TBC1D22A: variants seen among roughly 807,000 people sequenced by gnomAD.
The protein encoded by TBC1D22A is putative GTPase activator.
A neutral mutation model predicts 60.2 loss-of-function variants in TBC1D22A; 38 were observed. The ratio of observed to expected loss-of-function variants is 0.63; its 90% CI spans 0.49 to 0.83. TBC1D22A has a LOEUF of 0.83. Ranked by LOEUF, TBC1D22A falls within the 40% of genes least tolerant of loss-of-function variation. The pLI is 0.00. For missense variants in TBC1D22A, 628 were observed against 701.0 expected, an observed-to-expected ratio of 0.90 and a Z score of 1.18; for synonymous variants, 302 against 281.7, an observed-to-expected ratio of 1.07 and a Z score of -0.72.
intron 11 of TBC1D22A, among the ~76,000 whole-genome samples, chr22:47,043,866 G>A (rs974582105): frequency 1.2e-4 from 13 of 106,066 alleles, no homozygotes; most frequent in African/African-American, 4.6e-4. Flanking sequence ...GGGCAGGTCC[G>A]AGGCTGCCAG....
intron 4 of TBC1D22A, among the ~76,000 whole-genome samples, chr22:46,856,197 G>T (rs1315346508): frequency 6.6e-6 from 1 of 152,220 alleles, no homozygotes; most frequent in Non-Finnish European, 1.5e-5. Flanking sequence ...AAGTGTGGAT[G>T]TGGTGAAAAG....
chr22:46,958,780 A>T (rs1257620228), intron 8 of TBC1D22A, among the ~76,000 whole-genome samples: 1 of 152,112 alleles, frequency 6.6e-6, no homozygotes, highest in Non-Finnish European at 1.5e-5. Flanking sequence ...GACTTACTGG[A>T]TTGGAGGGAA....
At chr22:46,938,786 A>G (rs1602563635) in intron 8 of TBC1D22A, among the ~76,000 whole-genome samples, 1 of 151,956 alleles carries the variant, frequency 6.6e-6, no homozygotes, top group African/African-American at 2.4e-5. Context: ...GGGTTTCACC[A>G]TGTTGGCCAG....
chr22:46,855,620 T>C (rs1218255711), intron 4 of TBC1D22A, among the ~76,000 whole-genome samples: 1 of 152,118 alleles, frequency 6.6e-6, no homozygotes, highest in Non-Finnish European at 1.5e-5. Flanking sequence ...AGCAGTGGGC[T>C]GCTGGGTAGA....
chr22:47,032,613 T>G (rs1293193587), intron 10 of TBC1D22A, among the ~76,000 whole-genome samples: 2 of 152,226 alleles, frequency 1.3e-5, no homozygotes, highest in Non-Finnish European at 1.5e-5. Context: ...TCCTGGTGAT[T>G]AGCCTGTGAC....
intron 10 of TBC1D22A, among the ~76,000 whole-genome samples, chr22:47,014,429 C>T (rs2061845491): frequency 6.6e-6 from 1 of 152,198 alleles, no homozygotes; most frequent in Non-Finnish European, 1.5e-5. Flanking sequence ...CCCCATCAGT[C>T]CCCGCTGGAC....
At chr22:46,879,411 C>T (rs376460539) in intron 5 of TBC1D22A, among the ~76,000 whole-genome samples, 14 of 152,114 alleles carry the variant, frequency 9.2e-5, no homozygotes, top group African/African-American at 2.9e-4. Flanking sequence ...AGACAGTTTT[C>T]TTCTCTTTTC....
At chr22:46,974,056 GTTAA>G (rs1302916962) in intron 8 of TBC1D22A, among the ~76,000 whole-genome samples, 1 of 152,188 alleles carries the variant, frequency 6.6e-6, no homozygotes, top group Admixed American at 6.5e-5. Context: ...TATTAATTAT[GTTAA>G]TTAATTGGAG....
intron 10 of TBC1D22A, among the ~76,000 whole-genome samples, chr22:47,012,242 T>C (rs995985771): frequency 5.3e-5 from 8 of 152,092 alleles, no homozygotes; most frequent in African/African-American, 1.9e-4. Context: ...TGCTTTGAAA[T>C]GTTTGGTTCC....
At chr22:46,923,114 A>G (rs2070850442) in intron 8 of TBC1D22A, among the ~76,000 whole-genome samples, 1 of 152,214 alleles carries the variant, frequency 6.6e-6, no homozygotes, top group Non-Finnish European at 1.5e-5. Context: ...TTACAGAGTA[A>G]TGTAAAAACA....
intron 8 of TBC1D22A, among the ~76,000 whole-genome samples, chr22:46,947,426 G>A (rs1457769901): frequency 6.6e-6 from 1 of 152,188 alleles, no homozygotes; most frequent in Non-Finnish European, 1.5e-5. Context: ...TGGACGGTTG[G>A]ACGTTTGAGA....
chr22:46,973,262 T>C (rs866951695), intron 8 of TBC1D22A, among the ~76,000 whole-genome samples: 93 of 143,474 alleles, frequency 6.5e-4, no homozygotes, highest in African/African-American at 2.7e-3. Context: ...GGCACCCCCC[T>C]CCCCATGTGT....
At chr22:46,932,609 G>A (rs897156528) in intron 8 of TBC1D22A, among the ~76,000 whole-genome samples, 4 of 152,002 alleles carry the variant, frequency 2.6e-5, no homozygotes, top group Non-Finnish European at 4.4e-5. Context: ...CACCCATCAC[G>A]GAGCCTTGGG....
intron 12 of TBC1D22A, 115 bp from the exon 13 acceptor site, chr22:47,173,383 A>G: frequency 7.1e-7 from 1 of 1,413,622 alleles, no homozygotes; most frequent in Non-Finnish European, 9.7e-7. Flanking sequence ...CCCGCCCTGC[A>G]CCGTGGGTCA....
chr22:46,793,813 C>T lies in TBC1D22A; in HGVS notation c.432C>T (p.Val144=), dbSNP rs1224617017. ...PSGDLRLVKS[V]SESHTSCPAE... The stretch of plus-strand genomic sequence containing the variant: ...GCGACCTCCGGCTGGTGAAGTCGGT[C>T]AGTGAGAGCCACACGTCCTGTCCTG... Residue 144 remains valine (V), a synonymous_variant, in exon 3 of 13, where the codon GTC becomes GTT. Transcript: ENST00000337137. 6 of 1,592,360 alleles carry T rather than the reference C, an allele frequency of 3.8e-6. No individual in the cohort carries two copies. The highest frequency in any genetic ancestry group is 2.7e-5 in the African/African-American group (2 of 74,474).
At position 46,923,860 on chromosome 22, in the gene TBC1D22A, T is replaced by C. The variant is rs142641268; in HGVS notation, c.1015+11672T>C. On this transcript the variant is annotated intron_variant, in intron 8 of 12. Coordinates refer to ENST00000337137, the MANE Select transcript of TBC1D22A (RefSeq NM_014346.5). ...AAAAATCATTTCTACCTTCTGTACA[T>C]AATGCTCTATTGAGATCATGTAGCA... Among the ~76,000 whole-genome samples, 1,092 of 152,348 alleles carry C rather than the reference T, an allele frequency of 7.2e-3. 10 individuals are homozygous for C. The highest frequency in any genetic ancestry group is 0.025 in the African/African-American group (1,041 of 41,572).
chr22:46,809,390 G>A (rs1221391188), intron 4 of TBC1D22A, among the ~76,000 whole-genome samples: 1 of 152,162 alleles, frequency 6.6e-6, no homozygotes, highest in Non-Finnish European at 1.5e-5. Flanking sequence ...CAGTTACCTC[G>A]TTATAGTCCC....
intron 10 of TBC1D22A, among the ~76,000 whole-genome samples, chr22:47,001,035 T>C (rs1484667699): frequency 6.6e-6 from 1 of 152,104 alleles, no homozygotes; most frequent in Non-Finnish European, 1.5e-5. Flanking sequence ...GCGCCTCATG[T>C]AGTGCCTGCA....
At chr22:47,118,925 G>A (rs554288263) in intron 12 of TBC1D22A, among the ~76,000 whole-genome samples, 1 of 152,220 alleles carries the variant, frequency 6.6e-6, no homozygotes, top group Admixed American at 6.5e-5. Flanking sequence ...GCCGAGGCGC[G>A]TGATCATGAG....
Sources: allele counts gnomAD v4.1 joint callset (sites outside exome capture counted in the v4.1 genomes callset), GRCh38; gene constraint gnomAD v4.1.1; transcripts MANE v1.5; gene names NCBI Gene and HGNC (gene_info 2026-07-23, HGNC 2026-07-21).